The following COL4A6 variants were observed in gnomAD, a reference collection of about 807,000 sequenced individuals.
The protein encoded by COL4A6 is collagen alpha-6(IV) chain.
A neutral mutation model predicts 126.7 loss-of-function variants in COL4A6; 59 were observed. The observed-to-expected ratio is 0.47, with a 90% CI of 0.38 to 0.58. The LOEUF (loss-of-function observed/expected upper bound fraction) is 0.58. COL4A6 is among the 20% of genes least tolerant of loss of function. The pLI, the probability that COL4A6 is intolerant of heterozygous loss-of-function variation, is 0.00. For synonymous variants in COL4A6, 547 were observed against 496.6 expected (o/e 1.10, Z -1.35); for missense variants, 1,285 against 1,337.3 (o/e 0.96, Z 0.61).
intron 3 of COL4A6, among the ~76,000 whole-genome samples, chrX:108,250,796 T>C (rs2036833022): frequency 8.9e-6 from 1 of 111,920 alleles, no homozygotes; most frequent in East Asian, 2.9e-4. Flanking sequence ...GGGGGAAGAT[T>C]TGACCTGTCA....
chrX:108,408,732 T>C (rs1464196483), intron 2 of COL4A6, among the ~76,000 whole-genome samples: 1 of 111,747 alleles, frequency 8.9e-6, no homozygotes, highest in Non-Finnish European at 1.9e-5. Context: ...GAGGCTGAGA[T>C]GGGTGGATCA....
At chrX:108,289,641 TGCAGGCAGCAACC>T (rs1398470891) in intron 3 of COL4A6, among the ~76,000 whole-genome samples, 1 of 111,754 alleles carries the variant, frequency 8.9e-6, no homozygotes, top group Non-Finnish European at 1.9e-5. Context: ...GACATAGACT[TGCAGGCAGCAACC>T]TCCATTCCTC....
chrX:108,393,746 G>C (rs1309527978), intron 2 of COL4A6, among the ~76,000 whole-genome samples: 1 of 112,005 alleles, frequency 8.9e-6, no homozygotes, highest in Non-Finnish European at 1.9e-5. Flanking sequence ...ACCTTTAAAA[G>C]TAATAAAAAG....
chrX:108,239,035 T>G (rs1417323493), intron 3 of COL4A6, among the ~76,000 whole-genome samples: 6 of 112,343 alleles, frequency 5.3e-5, no homozygotes, highest in African/African-American at 1.9e-4. Flanking sequence ...TTTCCCATTT[T>G]AACAATTGTG....
In COL4A6 at chrX:108,207,518, G is replaced by A. The variant is rs142653160; in HGVS notation, c.547-938C>T. Among the ~76,000 whole-genome samples the A allele has an allele frequency of 1.5e-3, 172 of 111,471 alleles. No individual in the cohort carries two copies. The East Asian group carries it at 0.031, about 20-fold the overall frequency. On this transcript the variant is annotated intron_variant, in intron 8 of 44. Transcript: ENST00000334504. ...AAATTTAAAAATAGGATGGATTGAT[G>A]GACAGAGAGAGGGATGGATAGATAG...
At chrX:108,366,980 A>G (rs1211572607) in intron 2 of COL4A6, among the ~76,000 whole-genome samples, 1 of 112,254 alleles carries the variant, frequency 8.9e-6, no homozygotes, top group African/African-American at 3.2e-5. Context: ...CAGGAATTAG[A>G]AAATACTTTT....
intron 3 of COL4A6, among the ~76,000 whole-genome samples, chrX:108,277,824 C>A (rs188453862): frequency 3.5e-3 from 387 of 111,869 alleles, no homozygotes; most frequent in Non-Finnish European, 4.0e-3. Context: ...CAGCAGCATT[C>A]GCGGTTCACG....
chrX:108,391,549 A>T (rs866102474), intron 2 of COL4A6, among the ~76,000 whole-genome samples: 34 of 111,660 alleles, frequency 3.0e-4, no homozygotes, highest in African/African-American at 1.1e-3. Context: ...CCAAGCTCCC[A>T]GTCGACCTCA....
intron 2 of COL4A6, among the ~76,000 whole-genome samples, chrX:108,379,326 T>G (rs1180986367): frequency 1.8e-5 from 2 of 110,220 alleles, no homozygotes; most frequent in African/African-American, 6.6e-5. Context: ...CATAGCTCAC[T>G]GCAGCCGCAA....
At chrX:108,383,508 G>C (rs929181145) in intron 2 of COL4A6, 41 of 431,205 alleles carry the variant, frequency 9.5e-5, no homozygotes, top group Non-Finnish European at 1.6e-4. Context: ...TGGTGGCCCT[G>C]TTTTGGGTGT....
At chrX:108,181,218 T>C (rs1457583894) in intron 23 of COL4A6, among the ~76,000 whole-genome samples, 1 of 112,370 alleles carries the variant, frequency 8.9e-6, no homozygotes, top group African/African-American at 3.2e-5. Context: ...TGATGCCCAG[T>C]GGGCAAACAG....
chrX:108,333,293 T>TA (rs1182624935), intron 2 of COL4A6, among the ~76,000 whole-genome samples: 3 of 111,364 alleles, frequency 2.7e-5, no homozygotes, highest in African/African-American at 9.8e-5. Flanking sequence ...ATTAACCACA[T>TA]AAACAGAATT....
intron 2 of COL4A6, among the ~76,000 whole-genome samples, chrX:108,431,505 C>T (rs375690754): frequency 2.8e-4 from 31 of 111,894 alleles, no homozygotes; most frequent in African/African-American, 8.1e-4. Flanking sequence ...ATGGTTGTGC[C>T]ATGTTAGTTG....
At chrX:108,290,141 A>G (rs1603023286) in intron 3 of COL4A6, among the ~76,000 whole-genome samples, 1 of 112,151 alleles carries the variant, frequency 8.9e-6, no homozygotes, top group Non-Finnish European at 1.9e-5. Context: ...AAAATATCTC[A>G]TGGAAGGCTC....
At chrX:108,294,086 T>C (rs1002295570) in intron 3 of COL4A6, among the ~76,000 whole-genome samples, 4 of 111,928 alleles carry the variant, frequency 3.6e-5, no homozygotes, top group African/African-American at 1.3e-4. Flanking sequence ...ACATTTAGCA[T>C]GTATATTCAA....
intron 2 of COL4A6, among the ~76,000 whole-genome samples, chrX:108,372,342 T>C (rs2040347953): frequency 9.0e-6 from 1 of 111,681 alleles, no homozygotes; most frequent in Non-Finnish European, 1.9e-5. Context: ...ATCTTTACCC[T>C]AGCAGAGGCC....
At chrX:108,413,733 C>T (rs1043417305) in intron 2 of COL4A6, among the ~76,000 whole-genome samples, 2 of 112,075 alleles carry the variant, frequency 1.8e-5, no homozygotes, top group African/African-American at 6.5e-5. Flanking sequence ...GGCTTCTAGA[C>T]AGTCCAGTTA....
intron 2 of COL4A6, among the ~76,000 whole-genome samples, chrX:108,388,214 G>T (rs952653848): frequency 1.8e-5 from 2 of 111,660 alleles, no homozygotes; most frequent in South Asian, 3.8e-4. Context: ...TTGGTATCAG[G>T]ACAATGTTGG....
Position 108,187,894 on chromosome X carries a change from G to T in COL4A6, c.1721C>A (p.Pro574Gln). Residue 574 changes from proline (P) to glutamine (Q), a missense_variant, in exon 22 of 45, where the codon CCA becomes CAA. Coordinates refer to ENST00000334504, the MANE Select transcript of COL4A6 (RefSeq NM_033641.4). ...SQGFRGVIGEPGKDGVPGLPG... is the reference protein window; with the variant it reads ...SQGFRGVIGEQGKDGVPGLPG... ...TAAACCTGGTACTCCGTCCTTGCCT[G>T]GTTCTCCTATTACACCACGGAAGCC... 1 of 1,209,528 alleles carries T rather than the reference G, an allele frequency of 8.3e-7. No homozygotes were observed. Among genetic ancestry groups the T allele is most frequent in the Non-Finnish European group, 1.1e-6 (1 of 894,336 alleles).
Sources: gnomAD v4.1 joint callset for allele counts (sites outside exome capture counted in the v4.1 genomes callset) on GRCh38, gnomAD v4.1.1 for gene constraint, MANE v1.5 for transcripts, NCBI Gene and HGNC (gene_info 2026-07-23, HGNC 2026-07-21) for gene names.